Variants in ZNF408 observed in about 807,000 individuals in gnomAD.
ZNF408 encodes zinc finger protein 408.
Under a neutral mutation model 27.6 loss-of-function variants are expected in ZNF408, and 24 were observed. The observed-to-expected ratio is 0.87, with a 90% CI of 0.63 to 1.22. ZNF408 has a LOEUF of 1.22. ZNF408 is among the 50% of genes most tolerant of loss of function. ZNF408 has a pLI of 0.00. For missense variants in ZNF408, 897 were observed against 949.0 expected (o/e 0.95, Z 0.72); for synonymous variants, 410 against 396.1 (o/e 1.04, Z -0.42).
chr11:46,701,121 C>T (rs369643519), intron 1 of ZNF408, 22 bp downstream of exon 1: 8 of 1,614,064 alleles, frequency 5.0e-6, no homozygotes, highest in Non-Finnish European at 6.8e-6. Flanking sequence ...GCGATGTCCG[C>T]GACCCTCAAC....
chr11:46,701,114 A>G lies in ZNF408; in HGVS notation c.52+15A>G. 1.2e-6 allele frequency: 2 copies of G among 1,614,038 alleles called. No individual in the cohort carries two copies. Among genetic ancestry groups the G allele is most frequent in the Non-Finnish European group, 1.7e-6 (2 of 1,179,974 alleles). ...GCTGCAACTCGGTGAGTGACCTGCG[A>G]TGTCCGCGACCCTCAACCTTGGCCC... On this transcript the variant is annotated intron_variant, in intron 1 of 4. Transcript: ENST00000311764.
Position 46,701,400 on chromosome 11 carries a change from C to T in ZNF408, c.54C>T (p.Ala18=). 1 of 1,612,848 alleles carries T rather than the reference C, an allele frequency of 6.2e-7. No homozygotes were observed. Among genetic ancestry groups the T allele is most frequent in the Non-Finnish European group, 8.5e-7 (1 of 1,179,150 alleles). ...CACTGTCTTCCCTTCTCTCTGCAGC[C>T]CGCGAGCCGCGCCTGGGCCTGGACT... is the stretch of plus-strand genomic sequence containing the variant. ...LLEGKKALQL[A]REPRLGLDLG... is the part of the protein sequence containing the mutation. The change falls in exon 2 of 5, where the codon GCC becomes GCT. Residue 18 remains alanine (A), a splice_region_variant and synonymous_variant. Coordinates refer to ENST00000311764, the MANE Select transcript of ZNF408 (RefSeq NM_024741.3).
intron 4 of ZNF408, among the ~76,000 whole-genome samples, chr11:46,703,787 A>C (rs1209442894): frequency 2.4e-5 from 1 of 41,570 alleles, no homozygotes; most frequent in African/African-American, 9.2e-5. Context: ...TTTTTTTTTG[A>C]GATGGAGTCT....
In ZNF408 at chr11:46,702,723, G is replaced by A. The variant is rs772551633; in HGVS notation, c.350G>A (p.Trp117Ter). Residue 117 changes from tryptophan to a stop codon, truncating the protein, a stop_gained, in exon 3 of 5, where the codon TGG (tryptophan) becomes TAG (stop). Transcript: ENST00000311764. LOFTEE classifies it high-confidence loss of function. ...TTTCAGAACCTGTCATTAGGCCCAT[G>A]GGGAGACGTGTGTGCCTGTGAGCAG... is the stretch of plus-strand genomic sequence containing the variant. ...RQEENLSLGP[W>*]GDVCACEQSS... 1 of 1,614,192 alleles carries A rather than the reference G, an allele frequency of 6.2e-7. No homozygotes were observed. The highest frequency in any genetic ancestry group is 1.7e-5 in the Admixed American group (1 of 60,022).
intron 2 of ZNF408, 35 bp from the exon 3 acceptor site, chr11:46,702,669 C>T: frequency 6.2e-7 from 1 of 1,603,062 alleles, no homozygotes; most frequent in Non-Finnish European, 8.5e-7. Flanking sequence ...ACCCCTCGAA[C>T]ACATTTGAGA....
In ZNF408 at chr11:46,705,544, G is replaced by C. The variant is rs751812985; in HGVS notation, c.1844G>C (p.Gly615Ala). 6.2e-7 allele frequency: 1 copy of C among 1,605,074 alleles called. No homozygotes were observed. Among genetic ancestry groups the C allele is most frequent in the Non-Finnish European group, 8.5e-7 (1 of 1,179,974 alleles). Residue 615 changes from glycine to alanine, a missense_variant, in exon 5 of 5, where the codon GGC (glycine) becomes GCC (alanine). By Grantham distance (60) the Gly-to-Ala change is moderately conservative. Coordinates refer to ENST00000311764, the MANE Select transcript of ZNF408 (RefSeq NM_024741.3). The surrounding 1 kb of genome is among the most constrained non-coding windows in gnomAD (Gnocchi z 6.5). The stretch of plus-strand genomic sequence containing the variant: ...TACCGCTGCCCCACCTGTGGCATGG[G>C]CTACACCCTCCCGCAGAGCCTCAGG... Reference protein sequence around the residue: ...KPYRCPTCGMGYTLPQSLRRH... With the variant: ...KPYRCPTCGMAYTLPQSLRRH...
At chr11:46,703,301 A>C in intron 4 of ZNF408, 58 bp downstream of exon 4, 1 of 1,553,818 alleles carries the variant, frequency 6.4e-7, no homozygotes, top group Non-Finnish European at 8.7e-7. Flanking sequence ...CAACCTGTTG[A>C]TAAGACAAAG....
chr11:46,704,710 G>C lies in ZNF408; in HGVS notation c.1010G>C (p.Arg337Pro), dbSNP rs36017347. 2,809 of 1,608,314 alleles carry C rather than the reference G, an allele frequency of 1.7e-3. 45 individuals carry two copies. In the African/African-American group the frequency reaches 0.033, roughly 19 times the overall value. Residue 337 changes from arginine (R) to proline (P), a missense_variant, in exon 5 of 5, where the codon CGG becomes CCG. Physicochemically the swap from Arg to Pro is moderately radical, Grantham distance 103. Coordinates refer to ENST00000311764, the MANE Select transcript of ZNF408 (RefSeq NM_024741.3). ...CAGTCTGGCTTCCCTACACTCTCGC[G>C]GAGCCCTCCTGGCCCAGCAGGAAGC... Reference protein sequence around the residue: ...AQQSGFPTLSRSPPGPAGSSP... With the variant: ...AQQSGFPTLSPSPPGPAGSSP...
At position 46,704,690 on chromosome 11, in the gene ZNF408, T is replaced by A; in HGVS notation, c.990T>A (p.Ser330=). ...CCCCAGAGCCTGGAGCCCAGCAGTC[T>A]GGCTTCCCTACACTCTCGCGGAGCC... The part of the protein sequence containing the change: ...AKTPEPGAQQ[S]GFPTLSRSPP... Residue 330 remains serine, a synonymous_variant, in exon 5 of 5, where the codon TCT becomes TCA. Transcript: ENST00000311764. 1 of 1,612,374 alleles carries A rather than the reference T, an allele frequency of 6.2e-7. No individual in the cohort carries two copies. Among genetic ancestry groups the A allele is most frequent in the Non-Finnish European group, 8.5e-7 (1 of 1,179,362 alleles).
chr11:46,705,467 G>A lies in ZNF408; in HGVS notation c.1767G>A (p.Thr589=), dbSNP rs773554951. The A allele has an allele frequency of 8.7e-6, 14 of 1,607,022 alleles. No individual in the cohort carries two copies. The highest frequency in any genetic ancestry group is 3.3e-4 in the Middle Eastern group (2 of 6,060). Residue 589 remains threonine (T), a synonymous_variant, in exon 5 of 5, where the codon ACG becomes ACA. Coordinates refer to ENST00000311764, the MANE Select transcript of ZNF408 (RefSeq NM_024741.3). This position sits in a 1 kb window ranked among gnomAD's most constrained non-coding sequence, Gnocchi z 6.5. ...GTCCCCAGTGTGGCCGTGCTTACAC[G>A]CTGGCCACCAAGCTGCGGCGCCACC... ...FPCPQCGRAY[T]LATKLRRHLK... is the part of the protein sequence containing the mutation.
intron 2 of ZNF408, 184 bp downstream of exon 2, chr11:46,701,860 G>T (rs2064711087): frequency 9.2e-6 from 7 of 761,622 alleles, no homozygotes; most frequent in Non-Finnish European, 1.2e-5. Flanking sequence ...TTGAAAAGTT[G>T]TTGAAAGCTG....
rs1175492558 is a variant in ZNF408, at chr11:46,702,887, C to T, written c.393-97C>T. On this transcript the variant is annotated intron_variant, in intron 3 of 4. Coordinates refer to ENST00000311764, the MANE Select transcript of ZNF408 (RefSeq NM_024741.3). ...TGCAGTGAATGTTCCAAAGGCACGG[C>T]GTCCTTTAGGACCCAGACTGCTTGG... 6 of 1,591,008 alleles carry T rather than the reference C, an allele frequency of 3.8e-6. No homozygotes were observed. In the African/African-American group the frequency reaches 4.0e-5, roughly 11 times the overall value.
At position 46,705,726 on chromosome 11, in the gene ZNF408, G is replaced by A; in HGVS notation, c.2026G>A (p.Val676Ile). 2.5e-6 allele frequency: 4 copies of A among 1,612,944 alleles called. No individual in the cohort carries two copies. The highest frequency in any genetic ancestry group is 3.4e-6 in the Non-Finnish European group (4 of 1,179,564). The change falls in exon 5 of 5, where the codon GTC (valine) becomes ATC (isoleucine). Residue 676 changes from valine to isoleucine, a missense_variant. By Grantham distance (29) the Val-to-Ile change is conservative. Coordinates refer to ENST00000311764, the MANE Select transcript of ZNF408 (RefSeq NM_024741.3). This position sits in a 1 kb window ranked among gnomAD's most constrained non-coding sequence, Gnocchi z 6.5. ...EVSPARDVVE[V>I]TISESQEKCF... ...CTCCCCCGCCAGGGATGTTGTTGAGGTCACCATTTCAGAAAGCCAGGAGAA... is the reference window on the plus strand; with the variant it reads ...CTCCCCCGCCAGGGATGTTGTTGAGATCACCATTTCAGAAAGCCAGGAGAA...
chr11:46,704,368 C>A lies in ZNF408; in HGVS notation c.668C>A (p.Ser223Ter). The A allele has an allele frequency of 6.3e-7, 1 of 1,593,048 alleles. No individual in the cohort carries two copies. Among genetic ancestry groups the A allele is most frequent in the South Asian group, 1.1e-5 (1 of 87,880 alleles). The change falls in exon 5 of 5, where the codon TCA (serine) becomes TAA (stop). Residue 223 changes from serine (S) to a stop codon, truncating the protein, a stop_gained. Transcript: ENST00000311764. LOFTEE classifies it low-confidence loss of function (END_TRUNC). ...TGCCTTGCAGATCCTGGTTCCCAGT[C>A]ACCCTCTGGCATCCAGGCAGAGAAT... ...AEPCIDPGSQSPSGIQAENMV... is the reference protein window; with the variant it reads ...AEPCIDPGSQ
chr11:46,703,006 G>T lies in ZNF408; in HGVS notation c.415G>T (p.Glu139Ter). The change falls in exon 4 of 5, where the codon GAG becomes TAG. Residue 139 changes from glutamate (E) to a stop codon, truncating the protein, a stop_gained. Transcript: ENST00000311764. LOFTEE classifies it high-confidence loss of function. Reference protein sequence around the residue: ...WTSLVQRGRLESEGNVAPVRI... With the variant: ...WTSLVQRGRL ...CAGCTTGGTACAACGGGGCAGGCTG[G>T]AGAGTGAGGGAAATGTGGCCCCAGT... 2 of 1,614,032 alleles carry T rather than the reference G, an allele frequency of 1.2e-6. No individual in the cohort carries two copies. The highest frequency in any genetic ancestry group is 1.7e-6 in the Non-Finnish European group (2 of 1,179,882).
rs371644247 is a variant in ZNF408, at chr11:46,703,758, G to GTTTT, written c.652+517_652+518insTTTT. On this transcript the variant is annotated intron_variant, in intron 4 of 4. Coordinates refer to ENST00000311764, the MANE Select transcript of ZNF408 (RefSeq NM_024741.3). ...TTTGTTTTGTTTTGTTGTTGTTGTT[G>GTTTT]TTGTTGTTGTTGTTTTTTTTTTTTT... 1.8e-3 allele frequency among the ~76,000 whole-genome samples: 172 copies of GTTTT among 94,134 alleles called. 45 individuals are homozygous for GTTTT. The highest frequency in any genetic ancestry group is 6.2e-3 in the African/African-American group (132 of 21,334). 61.8% of individuals were successfully genotyped at this position (94,134 alleles called of 152,430 possible).
rs760233268 is a variant in ZNF408 at position 46,704,656 on chromosome 11, G to C, written c.956G>C (p.Arg319Thr). The C allele has an allele frequency of 6.2e-7, 1 of 1,613,734 alleles. No individual in the cohort carries two copies. Residue 319 changes from arginine (R) to threonine (T), a missense_variant, in exon 5 of 5, where the codon AGA becomes ACA. Physicochemically the swap from Arg to Thr is moderately conservative, Grantham distance 71. Coordinates refer to ENST00000311764, the MANE Select transcript of ZNF408 (RefSeq NM_024741.3). ...AGCCCCAGTGATCAGTGCCCACCCAGAGCAAAGACCCCAGAGCCTGGAGCC... is the reference window on the plus strand; with the variant it reads ...AGCCCCAGTGATCAGTGCCCACCCACAGCAAAGACCCCAGAGCCTGGAGCC... ...LHSPSDQCPP[R>T]AKTPEPGAQQ...
chr11:46,703,319 T>G, intron 4 of ZNF408, 76 bp downstream of exon 4: 1 of 1,504,454 alleles, frequency 6.6e-7, no homozygotes, highest in East Asian at 2.4e-5. Flanking sequence ...AAGCAGAGTT[T>G]ATGGCTCATT....
chr11:46,702,640 CTT>C (rs1021343777), intron 2 of ZNF408, 62 bp from the exon 3 acceptor site: 65 of 1,541,682 alleles, frequency 4.2e-5, no homozygotes, highest in Admixed American at 7.7e-5. Context: ...CATCTAGTTT[CTT>C]TTTTTATTCC....
Sources: gnomAD v4.1 joint callset for allele counts (sites outside exome capture counted in the v4.1 genomes callset) on GRCh38, gnomAD v4.1.1 for gene constraint, Gnocchi (gnomAD v3.1) non-coding constraint, MANE v1.5 for transcripts, NCBI Gene and HGNC (gene_info 2026-07-23, HGNC 2026-07-21) for gene names.